TMOD3: variants seen among roughly 807,000 people sequenced by gnomAD.
The protein encoded by TMOD3 is tropomodulin-3.
A neutral mutation model predicts 39.2 loss-of-function variants in TMOD3; 20 were observed. That is an observed-to-expected ratio of 0.51 (90% confidence interval 0.36 to 0.74). TMOD3 has a LOEUF of 0.74. Among genes scored for constraint, TMOD3 ranks in the 30% least tolerant of loss-of-function variants. The pLI is 0.00. For synonymous variants in TMOD3, 143 were observed against 145.8 expected (o/e 0.98, Z 0.14); for missense variants, 381 against 412.8 (o/e 0.92, Z 0.67).
intron 3 of TMOD3, among the ~76,000 whole-genome samples, chr15:51,879,855 T>TACACACACACAC (rs1566861784): frequency 2.6e-4 from 6 of 23,198 alleles, no homozygotes; most frequent in South Asian, 4.6e-3. Flanking sequence ...CTCTCTGTCT[T>TACACACACACAC]TCACACACAC....
chr15:51,892,024 C>G (rs1430763094), intron 5 of TMOD3, among the ~76,000 whole-genome samples: 1 of 152,168 alleles, frequency 6.6e-6, no homozygotes, highest in Non-Finnish European at 1.5e-5. Context: ...CACCTGACCT[C>G]GGGAAAGTAA....
chr15:51,858,745 T>C (rs1194516535), intron 1 of TMOD3, among the ~76,000 whole-genome samples: 1 of 152,238 alleles, frequency 6.6e-6, no homozygotes, highest in African/African-American at 2.4e-5. Flanking sequence ...GAGATACTCA[T>C]ACTTGAACTG....
At chr15:51,876,571 C>T (rs1326840073) in intron 3 of TMOD3, among the ~76,000 whole-genome samples, 1 of 151,638 alleles carries the variant, frequency 6.6e-6, no homozygotes, top group African/African-American at 2.4e-5. Flanking sequence ...ATGCCATTCT[C>T]CTGCCTCAGC....
At chr15:51,877,407 C>T (rs560579116) in intron 3 of TMOD3, among the ~76,000 whole-genome samples, 133 of 152,206 alleles carry the variant, frequency 8.7e-4, no homozygotes, top group Non-Finnish European at 1.7e-3. Flanking sequence ...GGGCCAGGCA[C>T]GGTGGCTCAC....
rs1386057867 is a variant in TMOD3 at position 51,911,791 on chromosome 15, A to T, written c.*2981A>T. 1.3e-5 allele frequency: 2 copies of T among 152,212 alleles called. No homozygotes were observed. The highest frequency in any genetic ancestry group is 2.9e-5 in the Non-Finnish European group (2 of 68,028). 9.4% of individuals were successfully genotyped at this position (152,212 alleles called of 1,614,324 possible). ...TTAGTGGCAAATATTAATACTATTAAAATGGATTTTGGTGCTATATTCTTG... is the reference window on the plus strand; with the variant it reads ...TTAGTGGCAAATATTAATACTATTATAATGGATTTTGGTGCTATATTCTTG... On this transcript the variant is annotated 3_prime_UTR_variant, in exon 10 of 10. Coordinates refer to ENST00000308580, the MANE Select transcript of TMOD3 (RefSeq NM_014547.5).
At chr15:51,905,310 C>G (rs2056672813) in intron 9 of TMOD3, among the ~76,000 whole-genome samples, 1 of 152,028 alleles carries the variant, frequency 6.6e-6, no homozygotes, top group African/African-American at 2.4e-5. Flanking sequence ...CCAGCCTGGC[C>G]AACATGGTGA....
chr15:51,830,743 C>T (rs2056250812), intron 1 of TMOD3, among the ~76,000 whole-genome samples: 1 of 152,248 alleles, frequency 6.6e-6, no homozygotes, highest in South Asian at 2.1e-4. Context: ...TCTGAGAAAC[C>T]TTCAGATTAA....
intron 3 of TMOD3, among the ~76,000 whole-genome samples, chr15:51,875,817 A>G (rs1199288048): frequency 6.6e-6 from 1 of 151,788 alleles, no homozygotes; most frequent in African/African-American, 2.4e-5. Flanking sequence ...ACAGGGTTTC[A>G]CTGTGTTAGC....
chr15:51,903,648 A>G (rs530752315), intron 9 of TMOD3, among the ~76,000 whole-genome samples: 1 of 152,326 alleles, frequency 6.6e-6, no homozygotes, highest in Non-Finnish European at 1.5e-5. Flanking sequence ...TGTAGTTTGC[A>G]AAGTCATGCT....
chr15:51,902,743 A>G (rs976307461), intron 9 of TMOD3, among the ~76,000 whole-genome samples: 10 of 137,214 alleles, frequency 7.3e-5, no homozygotes, highest in Admixed American at 5.8e-4. Context: ...TCCGCCTCCC[A>G]GGTTCACGCC....
At chr15:51,832,568 G>A (rs537954108) in intron 1 of TMOD3, among the ~76,000 whole-genome samples, 6 of 151,162 alleles carry the variant, frequency 4.0e-5, no homozygotes, top group Non-Finnish European at 8.8e-5. Flanking sequence ...GTGGTGGCAC[G>A]CTTCTGTGGT....
chr15:51,846,571 G>A (rs2056337113), intron 1 of TMOD3, among the ~76,000 whole-genome samples: 1 of 152,082 alleles, frequency 6.6e-6, no homozygotes, highest in Non-Finnish European at 1.5e-5. Flanking sequence ...TCCCTTTGGG[G>A]GAGAGAAAGA....
chr15:51,903,515 G>A (rs947085297), intron 9 of TMOD3, among the ~76,000 whole-genome samples: 5 of 152,198 alleles, frequency 3.3e-5, no homozygotes, highest in Non-Finnish European at 5.9e-5. Context: ...TCCAGATCAC[G>A]TGGAAAATAT....
chr15:51,859,578 G>A, intron 1 of TMOD3: 1 of 601,264 alleles, frequency 1.7e-6, no homozygotes, highest in Non-Finnish European at 3.2e-6. Context: ...ACCTGTGACA[G>A]CTAAGAGAGC....
chr15:51,905,167 G>A (rs1035113779), intron 9 of TMOD3, among the ~76,000 whole-genome samples: 3 of 152,214 alleles, frequency 2.0e-5, no homozygotes, highest in African/African-American at 7.2e-5. Context: ...CTTTCAATGA[G>A]TACTTGTTGT....
At chr15:51,836,540 C>T (rs1225214224) in intron 1 of TMOD3, among the ~76,000 whole-genome samples, 1 of 152,044 alleles carries the variant, frequency 6.6e-6, no homozygotes, top group Non-Finnish European at 1.5e-5. Context: ...TCCTGGCCAA[C>T]ATGGTGAAAC....
chr15:51,846,042 G>A (rs975035091), intron 1 of TMOD3, among the ~76,000 whole-genome samples: 1 of 151,516 alleles, frequency 6.6e-6, no homozygotes. Flanking sequence ...CTGACTGAGC[G>A]CAGTGGCTCA....
chr15:51,841,855 C>G (rs190444323), intron 1 of TMOD3, among the ~76,000 whole-genome samples: 5 of 152,254 alleles, frequency 3.3e-5, no homozygotes, highest in Non-Finnish European at 7.4e-5. Flanking sequence ...CTGCAACCTC[C>G]GCTTCCTGTG....
intron 1 of TMOD3, among the ~76,000 whole-genome samples, chr15:51,835,463 C>A (rs2056277948): frequency 6.6e-6 from 1 of 152,142 alleles, no homozygotes; most frequent in Non-Finnish European, 1.5e-5. Flanking sequence ...CATGCACCAC[C>A]ATAACTGGCT....
Sources: allele counts gnomAD v4.1 joint callset (sites outside exome capture counted in the v4.1 genomes callset), GRCh38; gene constraint gnomAD v4.1.1; transcripts MANE v1.5; gene names NCBI Gene and HGNC (gene_info 2026-07-23, HGNC 2026-07-21).